The following VPS13D variants were observed in gnomAD, a reference collection of about 807,000 sequenced individuals.
VPS13D encodes the protein intermembrane lipid transfer protein VPS13D.
VPS13D carries 187 observed loss-of-function variants against 461.9 expected under a neutral mutation model. That is an observed-to-expected ratio of 0.40 (90% confidence interval 0.36 to 0.46). The LOEUF is 0.46. Ranked by LOEUF, VPS13D falls within the 20% of genes least tolerant of loss-of-function variation. The pLI is 0.60. For synonymous variants in VPS13D, 1,951 were observed against 1,986.3 expected (o/e 0.98, Z 0.47); for missense variants, 4,711 against 5,364.9 (o/e 0.88, Z 3.81).
chr1:12,249,753 C>T (rs1640673665), intron 6 of VPS13D: 1 of 155,716 alleles, frequency 6.4e-6, no homozygotes, highest in Non-Finnish European at 1.4e-5. Context: ...AAAACTACTG[C>T]TTGTCTCAAA....
In VPS13D at chr1:12,351,716, C is replaced by G. The variant is rs544048830; in HGVS notation, c.9432-2258C>G. 1.5e-3 allele frequency among the ~76,000 whole-genome samples: 230 copies of G among 151,034 alleles called. 1 individual carries two copies. The highest frequency in any genetic ancestry group is 2.9e-3 in the Non-Finnish European group (195 of 67,732). ...AAGTGATTCTCCTGCCTCAGCCTCCCGAGTAGCTGGGATTACAGGCACCCA... is the reference window on the plus strand; with the variant it reads ...AAGTGATTCTCCTGCCTCAGCCTCCGGAGTAGCTGGGATTACAGGCACCCA... On this transcript the variant is annotated intron_variant, in intron 46 of 69. Coordinates refer to ENST00000620676, the MANE Select transcript of VPS13D (RefSeq NM_015378.4).
At chr1:12,478,792 G>T in intron 67 of VPS13D, 2 of 456,100 alleles carry the variant, frequency 4.4e-6, no homozygotes, top group Non-Finnish European at 8.8e-6. Context: ...CTCTCTGTTT[G>T]TGGTATAATG....
intron 10 of VPS13D, among the ~76,000 whole-genome samples, chr1:12,258,392 C>T (rs1407182949): frequency 1.3e-5 from 2 of 152,172 alleles, no homozygotes; most frequent in East Asian, 3.8e-4. Flanking sequence ...CTGTTTCATA[C>T]AGTCACCCGC....
At chr1:12,232,871 C>T (rs901572318) in intron 1 of VPS13D, among the ~76,000 whole-genome samples, 2 of 151,716 alleles carry the variant, frequency 1.3e-5, no homozygotes, top group Admixed American at 6.6e-5. Flanking sequence ...CGCCTCTCTC[C>T]CATGTATATT....
Position 12,424,895 on chromosome 1 carries a change from A to G in VPS13D, c.12333+8068A>G, listed in dbSNP as rs1185678695. ...AGTTGCTAAGTTGAAAAGACAGAAA[A>G]TATTTGTGTCCCCCAAAAGTAGTGG... On this transcript the variant is annotated intron_variant, in intron 65 of 69. Coordinates refer to ENST00000620676, the MANE Select transcript of VPS13D (RefSeq NM_015378.4). Among the ~76,000 whole-genome samples, 4 of 152,154 alleles carry G rather than the reference A, an allele frequency of 2.6e-5. No individual in the cohort carries two copies. The East Asian group carries it at 7.7e-4, about 29-fold the overall frequency.
chr1:12,443,271 A>G (rs1645151882), intron 65 of VPS13D, among the ~76,000 whole-genome samples: 1 of 152,202 alleles, frequency 6.6e-6, no homozygotes, highest in African/African-American at 2.4e-5. Flanking sequence ...ACTTACTGTG[A>G]CATTTTTGAG....
chr1:12,467,731 A>C (rs1645507874), intron 67 of VPS13D, among the ~76,000 whole-genome samples: 1 of 152,216 alleles, frequency 6.6e-6, no homozygotes, highest in Non-Finnish European at 1.5e-5. Context: ...GTGTTTGAGA[A>C]AAGCCTTTCC....
chr1:12,493,482 CAAA>C (rs899634441), intron 67 of VPS13D, among the ~76,000 whole-genome samples: 7 of 55,436 alleles, frequency 1.3e-4, no homozygotes, highest in Admixed American at 1.6e-4. Flanking sequence ...GACTCCATCT[CAAA>C]AAAAAAAAAA....
intron 65 of VPS13D, among the ~76,000 whole-genome samples, chr1:12,419,991 C>A (rs1357058363): frequency 6.6e-6 from 1 of 152,134 alleles, no homozygotes; most frequent in Admixed American, 6.5e-5. Context: ...GTATTATAAT[C>A]TTATGGGTGG....
chr1:12,254,191 G>A (rs1419810510), intron 7 of VPS13D, among the ~76,000 whole-genome samples: 2 of 152,150 alleles, frequency 1.3e-5, no homozygotes, highest in African/African-American at 4.8e-5. Context: ...TACACATCGA[G>A]ATGTTTTCCA....
In VPS13D at chr1:12,327,747, C is replaced by T; in HGVS notation, c.8090C>T (p.Ala2697Val). The T allele has an allele frequency of 6.2e-7, 1 of 1,614,158 alleles. No homozygotes were observed. The highest frequency in any genetic ancestry group is 8.5e-7 in the Non-Finnish European group (1 of 1,180,032). ...AGCCGAGATAGCCCAGGGGCTGTGGCAGCGCCATTGATCTCTGGCGTGGAG... is the reference window on the plus strand; with the variant it reads ...AGCCGAGATAGCCCAGGGGCTGTGGTAGCGCCATTGATCTCTGGCGTGGAG... ...STSRDSPGAV[A>V]APLISGVEIK... Residue 2697 changes from alanine (A) to valine (V), a missense_variant, in exon 36 of 70, where the codon GCA becomes GTA. Coordinates refer to ENST00000620676, the MANE Select transcript of VPS13D (RefSeq NM_015378.4).
intron 65 of VPS13D, among the ~76,000 whole-genome samples, chr1:12,431,179 A>C (rs538950006): frequency 1.6e-4 from 25 of 152,276 alleles, no homozygotes; most frequent in African/African-American, 6.0e-4. Flanking sequence ...ATTTAACCCC[A>C]TCTTGTATTC....
intron 67 of VPS13D, among the ~76,000 whole-genome samples, chr1:12,494,713 C>T (rs1181728839): frequency 6.6e-6 from 1 of 152,208 alleles, no homozygotes; most frequent in Non-Finnish European, 1.5e-5. Flanking sequence ...CGCTTCAGGA[C>T]ACTGCCGTCA....
In VPS13D at chr1:12,356,094, C is replaced by T; in HGVS notation, c.9871+4C>T. On this transcript the variant is annotated splice_donor_region_variant and intron_variant, in intron 48 of 69. Transcript: ENST00000620676. Reference sequence around the variant, plus strand: ...TATTGGCTGATTAACAAAACAGGTACATACAGGGGCTGCTCAAGTAGGTCT... The same window carrying T: ...TATTGGCTGATTAACAAAACAGGTATATACAGGGGCTGCTCAAGTAGGTCT... The T allele has an allele frequency of 6.3e-7, 1 of 1,593,370 alleles. No homozygotes were observed. Among genetic ancestry groups the T allele is most frequent in the Non-Finnish European group, 8.6e-7 (1 of 1,167,172 alleles).
intron 67 of VPS13D, among the ~76,000 whole-genome samples, chr1:12,476,727 G>A (rs1444093789): frequency 6.6e-6 from 1 of 152,130 alleles, no homozygotes; most frequent in African/African-American, 2.4e-5. Flanking sequence ...AGAACAAATA[G>A]TATACAAAAG....
intron 68 of VPS13D, among the ~76,000 whole-genome samples, chr1:12,498,644 A>G (rs1645993040): frequency 6.6e-6 from 1 of 152,212 alleles, no homozygotes; most frequent in South Asian, 2.1e-4. Context: ...GCCATTATAA[A>G]ATATGATAGG....
Position 12,386,318 on chromosome 1 carries a change from G to A in VPS13D, c.11618G>A (p.Ser3873Asn). 1.2e-6 allele frequency: 2 copies of A among 1,608,926 alleles called. No homozygotes were observed. Among genetic ancestry groups the A allele is most frequent in the Non-Finnish European group, 1.7e-6 (2 of 1,177,888 alleles). ...GCAACCAGTCACATGCTTGAACTCA[G>A]CATACAGGATGTACAGGTAAGGGGG... is the stretch of plus-strand genomic sequence containing the variant. ...QLATSHMLEL[S>N]IQDVQVDNQL... The change falls in exon 60 of 70, where the codon AGC (serine) becomes AAC (asparagine). Residue 3873 changes from serine to asparagine, a missense_variant. Coordinates refer to ENST00000620676, the MANE Select transcript of VPS13D (RefSeq NM_015378.4).
intron 21 of VPS13D, among the ~76,000 whole-genome samples, chr1:12,284,490 C>T (rs1641904637): frequency 6.6e-6 from 1 of 152,168 alleles, no homozygotes; most frequent in African/African-American, 2.4e-5. Context: ...ATAAAAAAGA[C>T]AGCATTTGAG....
chr1:12,236,246 C>T (rs1383590200), intron 2 of VPS13D, among the ~76,000 whole-genome samples: 3 of 151,974 alleles, frequency 2.0e-5, no homozygotes, highest in Non-Finnish European at 4.4e-5. Flanking sequence ...CATCACAGAG[C>T]GTGGCCAGAA....
Sources: gnomAD v4.1 joint callset for allele counts (sites outside exome capture counted in the v4.1 genomes callset) on GRCh38, gnomAD v4.1.1 for gene constraint, MANE v1.5 for transcripts, NCBI Gene and HGNC (gene_info 2026-07-23, HGNC 2026-07-21) for gene names.